Variants in CALD1 observed in about 807,000 individuals in gnomAD.
The protein encoded by CALD1 is caldesmon.
CALD1 carries 33 observed loss-of-function variants against 99.9 expected under a neutral mutation model. The observed-to-expected ratio is 0.33, with a 90% CI of 0.25 to 0.44. The LOEUF is 0.44. CALD1 is among the 20% of genes least tolerant of loss of function. The pLI is 1.00. For missense variants in CALD1, 861 were observed against 962.1 expected (o/e 0.89, Z 1.39); for synonymous variants, 310 against 325.0 (o/e 0.95, Z 0.50).
chr7:134,823,267 G>A (rs1275136570), intron 1 of CALD1, among the ~76,000 whole-genome samples: 4 of 152,134 alleles, frequency 2.6e-5, no homozygotes, highest in African/African-American at 4.8e-5. Context: ...CATTTTGACC[G>A]TACCCACAGG....
the CALD1 span, among the ~76,000 whole-genome samples, chr7:134,711,776 C>G: frequency 1.3e-5 from 2 of 148,780 alleles, no homozygotes; most frequent in South Asian, 4.3e-4. Context: ...CCTATTGGTT[C>G]TATTTCTCTG....
At chr7:134,940,262 TA>T (rs2133051348) in intron 6 of CALD1, among the ~76,000 whole-genome samples, 1 of 152,328 alleles carries the variant, frequency 6.6e-6, no homozygotes, top group East Asian at 1.9e-4. Flanking sequence ...AAAAGCTATG[TA>T]AATTCAGTAT....
intron 1 of CALD1, among the ~76,000 whole-genome samples, chr7:134,804,115 T>A (rs1343044136): frequency 6.6e-6 from 1 of 152,258 alleles, no homozygotes; most frequent in Non-Finnish European, 1.5e-5. Context: ...GCTTGTTACC[T>A]TTCTACTGTT....
At chr7:134,877,623 T>C (rs1801412867) in intron 3 of CALD1, among the ~76,000 whole-genome samples, 1 of 152,208 alleles carries the variant, frequency 6.6e-6, no homozygotes, top group Non-Finnish European at 1.5e-5. Context: ...CATACTTTTT[T>C]CCTTGTCATC....
intron 3 of CALD1, among the ~76,000 whole-genome samples, chr7:134,869,240 T>C (rs1265994140): frequency 6.6e-6 from 1 of 152,102 alleles, no homozygotes; most frequent in East Asian, 1.9e-4. Context: ...CCGGCAAAAG[T>C]GCAGAAGTGG....
chr7:134,792,102 C>T (rs1172740384), intron 1 of CALD1, among the ~76,000 whole-genome samples: 3 of 152,104 alleles, frequency 2.0e-5, no homozygotes, highest in Non-Finnish European at 4.4e-5. Context: ...CAACAAAATG[C>T]ACAAACAAAT....
At chr7:134,861,858 G>A (rs1800578058) in intron 2 of CALD1, among the ~76,000 whole-genome samples, 2 of 152,312 alleles carry the variant, frequency 1.3e-5, no homozygotes, top group Non-Finnish European at 2.9e-5. Context: ...GAGAAATGAT[G>A]ATGTTGTGAA....
chr7:134,825,187 T>C (rs1482502501), intron 1 of CALD1, among the ~76,000 whole-genome samples: 2 of 152,014 alleles, frequency 1.3e-5, no homozygotes, highest in Non-Finnish European at 2.9e-5. Flanking sequence ...GAAAGGGGGA[T>C]AGGAAAAGGA....
intron 1 of CALD1, among the ~76,000 whole-genome samples, chr7:134,818,780 G>C (rs1798656909): frequency 6.6e-6 from 1 of 152,194 alleles, no homozygotes; most frequent in Non-Finnish European, 1.5e-5. Context: ...CAGAGCTTCT[G>C]TGGGCAGCCG....
At chr7:134,934,908 G>C (rs932676461) in intron 5 of CALD1, among the ~76,000 whole-genome samples, 2 of 151,484 alleles carry the variant, frequency 1.3e-5, no homozygotes, top group African/African-American at 4.9e-5. Context: ...ACAACAAAAA[G>C]GCAAAAACAA....
intron 7 of CALD1, chr7:134,944,407 T>C (rs1173599688): frequency 6.6e-6 from 1 of 151,850 alleles, no homozygotes; most frequent in Non-Finnish European, 1.5e-5. Flanking sequence ...TGTTTTTTTT[T>C]TTTTTAAATG....
chr7:134,750,217 GGAGCAAGGAACCCCT>G (rs958469154), intron 1 of CALD1, among the ~76,000 whole-genome samples: 4 of 151,910 alleles, frequency 2.6e-5, no homozygotes, highest in African/African-American at 7.3e-5. Context: ...TTCACCAACA[GGAGCAAGGAACCCCT>G]GTCCCTTCCT....
intron 7 of CALD1, 111 bp from the exon 8 acceptor site, chr7:134,947,397 G>C: frequency 1.8e-6 from 2 of 1,105,288 alleles, no homozygotes; most frequent in Non-Finnish European, 1.3e-6. Flanking sequence ...GCTAATGAGA[G>C]GCAGTGGGTA....
intron 8 of CALD1, chr7:134,948,061 C>T (rs1807044793): frequency 7.2e-6 from 2 of 277,582 alleles, no homozygotes; most frequent in South Asian, 8.6e-5. Flanking sequence ...CTTGAGTCTG[C>T]CTGACATGCA....
intron 3 of CALD1, among the ~76,000 whole-genome samples, chr7:134,896,104 T>G (rs1802554152): frequency 6.6e-6 from 1 of 152,194 alleles, no homozygotes; most frequent in Admixed American, 6.5e-5. Flanking sequence ...CAGTCGGAAC[T>G]GGCTTAGACT....
intron 1 of CALD1, among the ~76,000 whole-genome samples, chr7:134,802,733 A>G (rs1797992892): frequency 6.6e-6 from 1 of 152,268 alleles, no homozygotes; most frequent in Non-Finnish European, 1.5e-5. Flanking sequence ...TATGTACTGC[A>G]TATCACTAGC....
chr7:134,794,526 G>A (rs924835585), intron 1 of CALD1, among the ~76,000 whole-genome samples: 2 of 152,150 alleles, frequency 1.3e-5, no homozygotes, highest in Admixed American at 6.5e-5. Flanking sequence ...TCACTCTGTC[G>A]CCCGGGCTGG....
chr7:134,966,544 T>C (rs557740075), intron 14 of CALD1, among the ~76,000 whole-genome samples: 34 of 152,304 alleles, frequency 2.2e-4, no homozygotes, highest in African/African-American at 7.7e-4. Flanking sequence ...AAGTAGTTTA[T>C]CATTCTCATT....
In CALD1 at chr7:134,941,376, T is replaced by C. The variant is rs553775929; in HGVS notation, c.1532+139T>C. The C allele has an allele frequency of 2.7e-5, 18 of 664,076 alleles. No individual in the cohort carries two copies. The African/African-American group carries it at 2.9e-4, about 11-fold the overall frequency. 41.1% of individuals were successfully genotyped at this position (664,076 alleles called of 1,614,324 possible). A position where few individuals can be genotyped will look rare whatever the true frequency, so the allele number is the denominator to read the frequency against. ...GCTTTTGTTGTGAGGTCATTAGCCATTGTCTTAGAGATACTCAGTCAGCAG... is the reference window on the plus strand; with the variant it reads ...GCTTTTGTTGTGAGGTCATTAGCCACTGTCTTAGAGATACTCAGTCAGCAG... On this transcript the variant is annotated intron_variant, in intron 7 of 14. Coordinates refer to ENST00000361675, the MANE Select transcript of CALD1 (RefSeq NM_033138.4).
Sources: gnomAD v4.1 joint callset for allele counts (sites outside exome capture counted in the v4.1 genomes callset) on GRCh38, gnomAD v4.1.1 for gene constraint, MANE v1.5 for transcripts, NCBI Gene and HGNC (gene_info 2026-07-23, HGNC 2026-07-21) for gene names.